Variants in FAAH2 observed in about 807,000 individuals in gnomAD.
FAAH2 encodes fatty acid amide hydrolase 2, also known as fatty-acid amide hydrolase 2.
In FAAH2, 60 loss-of-function variants were observed where a neutral mutation model predicts 36.9. The ratio of observed to expected loss-of-function variants is 1.63; its 90% CI spans 1.32 to 2.02. The LOEUF is 2.02. Ranked by LOEUF, FAAH2 falls within the 30% of genes most tolerant of loss-of-function variation. The pLI is 0.00. For missense variants in FAAH2, 689 were observed against 397.5 expected, an observed-to-expected ratio of 1.73 and a Z score of -6.23; for synonymous variants, 214 against 143.8, an observed-to-expected ratio of 1.49 and a Z score of -3.49.
intron 5 of FAAH2, among the ~76,000 whole-genome samples, chrX:57,347,047 T>C (rs1381635010): frequency 9.0e-6 from 1 of 111,430 alleles, no homozygotes. Flanking sequence ...TCCTTGTGGA[T>C]GGTCATCTTG....
intron 5 of FAAH2, among the ~76,000 whole-genome samples, chrX:57,349,592 A>G (rs1398619507): frequency 9.4e-6 from 1 of 106,371 alleles, no homozygotes; most frequent in Non-Finnish European, 1.9e-5. Flanking sequence ...CTAGAACTGA[A>G]GTATTAATTT....
At chrX:57,335,277 A>G (rs935179055) in intron 4 of FAAH2, among the ~76,000 whole-genome samples, 1 of 111,199 alleles carries the variant, frequency 9.0e-6, no homozygotes, top group Non-Finnish European at 1.9e-5. Flanking sequence ...GAAAAATAAG[A>G]AAAATGGGCC....
the FAAH2 span, among the ~76,000 whole-genome samples, chrX:57,185,346 T>C: frequency 9.0e-6 from 1 of 111,469 alleles, no homozygotes; most frequent in Non-Finnish European, 1.9e-5. Context: ...TGTTTGTCTT[T>C]CTGTGCCTGG....
intron 5 of FAAH2, among the ~76,000 whole-genome samples, chrX:57,354,718 TAAA>T (rs1484353959): frequency 9.0e-6 from 1 of 110,882 alleles, no homozygotes; most frequent in African/African-American, 3.2e-5. Context: ...AAAATTGAGA[TAAA>T]AAGACTAAGG....
intron 7 of FAAH2, among the ~76,000 whole-genome samples, chrX:57,418,871 T>TCCCCCCA (rs2055922795): frequency 1.8e-5 from 1 of 56,105 alleles, no homozygotes; most frequent in African/African-American, 6.9e-5. Context: ...CCTTCCCCCC[T>TCCCCCCA]CCCCCCACCC....
chrX:57,310,885 G>GA (rs1349166963), intron 3 of FAAH2, among the ~76,000 whole-genome samples, 156 bp downstream of exon 3: 1 of 112,125 alleles, frequency 8.9e-6, no homozygotes, highest in African/African-American at 3.2e-5. Flanking sequence ...GTTCCATTGG[G>GA]AAAATAAATG....
chrX:57,190,247 C>T, the FAAH2 span, among the ~76,000 whole-genome samples: 2 of 109,913 alleles, frequency 1.8e-5, no homozygotes, highest in African/African-American at 6.6e-5. Flanking sequence ...GGATGCCCAT[C>T]CACTGACCAA....
At chrX:57,376,289 G>A (rs1353149708) in intron 5 of FAAH2, among the ~76,000 whole-genome samples, 1 of 110,891 alleles carries the variant, frequency 9.0e-6, no homozygotes, top group African/African-American at 3.3e-5. Context: ...AGAACATGCA[G>A]GTTTGTTACA....
At chrX:57,437,877 A>G (rs2056444722) in intron 8 of FAAH2, among the ~76,000 whole-genome samples, 1 of 103,397 alleles carries the variant, frequency 9.7e-6, no homozygotes, top group Admixed American at 1.1e-4. Flanking sequence ...ATCTGTATAC[A>G]TATATACATA....
At chrX:57,385,839 C>T (rs1199997010) in intron 7 of FAAH2, among the ~76,000 whole-genome samples, 2 of 107,542 alleles carry the variant, frequency 1.9e-5, no homozygotes, top group Non-Finnish European at 3.8e-5. Flanking sequence ...ACCCGGGAGG[C>T]GGAGCTTGCA....
the FAAH2 span, among the ~76,000 whole-genome samples, chrX:57,190,329 G>A: frequency 9.1e-6 from 1 of 109,776 alleles, no homozygotes; most frequent in Non-Finnish European, 1.9e-5. Context: ...TTAGCTTGCT[G>A]GGCTCTGTGG....
At chrX:57,355,998 T>C (rs2054149241) in intron 5 of FAAH2, among the ~76,000 whole-genome samples, 1 of 111,293 alleles carries the variant, frequency 9.0e-6, no homozygotes, top group African/African-American at 3.2e-5. Context: ...TGAAGGAGGG[T>C]TGAATTGTTT....
chrX:57,330,955 G>A (rs61267683), intron 3 of FAAH2, among the ~76,000 whole-genome samples: 2,659 of 110,514 alleles, frequency 0.024, 93 homozygotes, highest in African/African-American at 0.083. Flanking sequence ...AAGCAGGCAG[G>A]ATCAGACTTG....
intron 8 of FAAH2, among the ~76,000 whole-genome samples, chrX:57,437,569 AT>A (rs1569344219): frequency 9.2e-6 from 1 of 108,743 alleles, no homozygotes; most frequent in Non-Finnish European, 1.9e-5. Context: ...AACAAGTAGC[AT>A]TTTTTTACAC....
the FAAH2 span, among the ~76,000 whole-genome samples, chrX:57,228,740 A>G: frequency 8.9e-6 from 1 of 111,795 alleles, no homozygotes; most frequent in African/African-American, 3.3e-5. Context: ...TTCCTGTCTG[A>G]CACCTCTTTA....
the FAAH2 span, among the ~76,000 whole-genome samples, chrX:57,213,044 T>C: frequency 9.0e-6 from 1 of 111,615 alleles, no homozygotes; most frequent in Non-Finnish European, 1.9e-5. Flanking sequence ...CAGGATTTCT[T>C]TCTGGTTGAA....
chrX:57,215,753 G>A, the FAAH2 span, among the ~76,000 whole-genome samples: 1 of 109,471 alleles, frequency 9.1e-6, no homozygotes. Flanking sequence ...TTCGTAAGTG[G>A]GAGTAGAACA....
the FAAH2 span, among the ~76,000 whole-genome samples, chrX:57,146,003 A>ATT: frequency 9.8e-6 from 1 of 101,897 alleles, no homozygotes; most frequent in African/African-American, 3.6e-5. Context: ...ATGCCTCCAA[A>ATT]TTTTTTTTTT....
chrX:57,322,232 C>A (rs187874901), intron 3 of FAAH2, among the ~76,000 whole-genome samples: 1 of 111,310 alleles, frequency 9.0e-6, no homozygotes. Flanking sequence ...CCTCGTGATC[C>A]GCGCTCCTCG....
Sources: gnomAD v4.1 joint callset for allele counts (sites outside exome capture counted in the v4.1 genomes callset) on GRCh38, gnomAD v4.1.1 for gene constraint, MANE v1.5 for transcripts, NCBI Gene and HGNC (gene_info 2026-07-23, HGNC 2026-07-21) for gene names.